HAUS6: variants seen among roughly 807,000 people sequenced by gnomAD.
The protein encoded by HAUS6 is HAUS augmin-like complex subunit 6.
A neutral mutation model predicts 106.8 loss-of-function variants in HAUS6; 80 were observed. That is an observed-to-expected ratio of 0.75 (90% CI 0.63 to 0.90). The LOEUF is 0.90. HAUS6 is among the 40% of genes least tolerant of loss of function. The pLI, the probability that HAUS6 is intolerant of heterozygous loss-of-function variation, is 0.00. For missense variants in HAUS6, 1,155 were observed against 1,118.1 expected, an observed-to-expected ratio of 1.03 and a Z score of -0.47; for synonymous variants, 356 against 379.1, an observed-to-expected ratio of 0.94 and a Z score of 0.71.
chr9:19,082,913 G>C lies in HAUS6; in HGVS notation c.830C>G (p.Pro277Arg), dbSNP rs1837192180. 6 of 1,524,972 alleles carry C rather than the reference G, an allele frequency of 3.9e-6. No individual in the cohort carries two copies. In the East Asian group the frequency reaches 1.2e-4, roughly 31 times the overall value. The allele number at this position is 1,524,972 out of a possible 1,614,324, so 94.5% of individuals were successfully genotyped here. Residue 277 changes from proline to arginine, a missense_variant, in exon 8 of 17, where the codon CCA (proline) becomes CGA (arginine). This residue lies in a region of HAUS6 where 761 missense variants were observed against 690.0 expected (regional missense o/e 1.10). Transcript: ENST00000380502. ...LDGTNVAINI[P>R]RLLLDKIEKQ... Reference sequence around the variant, plus strand: ...CTCAATTTTGTCAAGTAAGAGCCTTGGAATATTAATAGCAACATTAGTTCC... The same window carrying C: ...CTCAATTTTGTCAAGTAAGAGCCTTCGAATATTAATAGCAACATTAGTTCC...
chr9:19,082,644 G>A (rs1022986906), intron 8 of HAUS6, among the ~76,000 whole-genome samples: 1 of 152,084 alleles, frequency 6.6e-6, no homozygotes, highest in Admixed American at 6.6e-5. Flanking sequence ...TACTCGGGAG[G>A]CTGAGGCAGG....
chr9:19,060,071 A>C lies in HAUS6; in HGVS notation c.1765+17T>G. The stretch of plus-strand genomic sequence containing the variant: ...GTCGATGAAAGAAAAAAGTAACAGA[A>C]AGCATTATTAACTTACTCAAGTTTT... On this transcript the variant is annotated intron_variant, in intron 15 of 16. Transcript: ENST00000380502. 3.1e-6 allele frequency: 5 copies of C among 1,590,920 alleles called. No individual in the cohort carries two copies. Among genetic ancestry groups the C allele is most frequent in the Non-Finnish European group, 4.3e-6 (5 of 1,166,340 alleles).
chr9:19,101,709 C>T (rs992214761), intron 1 of HAUS6, among the ~76,000 whole-genome samples: 9 of 152,174 alleles, frequency 5.9e-5, no homozygotes, highest in Non-Finnish European at 1.3e-4. Context: ...ATCATGAGCT[C>T]AGGAGATCGA....
At chr9:19,077,578 C>T (rs1034418746) in intron 10 of HAUS6, among the ~76,000 whole-genome samples, 15 of 151,866 alleles carry the variant, frequency 9.9e-5, no homozygotes, top group African/African-American at 2.9e-4. Flanking sequence ...TACAATCCTT[C>T]GAATCTAAAA....
At position 19,057,799 on chromosome 9, in the gene HAUS6, G is replaced by C. The variant is rs779627094; in HGVS notation, c.2806+162C>G. The C allele has an allele frequency of 2.5e-4, 134 of 544,842 alleles. 1 individual carries two copies. Among genetic ancestry groups the C allele is most frequent in the Non-Finnish European group, 2.1e-4 (66 of 308,062 alleles). 33.8% of individuals were successfully genotyped at this position (544,842 alleles called of 1,614,324 possible). A position where few individuals can be genotyped will look rare whatever the true frequency, so the allele number is the denominator to read the frequency against. ...CTATATATACATAAACAGAGATTCTGAAAGGACCTGTCCAGTGAGGGATCA... is the reference window on the plus strand; with the variant it reads ...CTATATATACATAAACAGAGATTCTCAAAGGACCTGTCCAGTGAGGGATCA... On this transcript the variant is annotated intron_variant, in intron 16 of 16. Coordinates refer to ENST00000380502, the MANE Select transcript of HAUS6 (RefSeq NM_017645.5).
At chr9:19,081,731 A>T (rs1418527255) in intron 8 of HAUS6, among the ~76,000 whole-genome samples, 1 of 152,042 alleles carries the variant, frequency 6.6e-6, no homozygotes, top group Non-Finnish European at 1.5e-5. Context: ...GAGCCACCAT[A>T]CCCAGACAGT....
intron 10 of HAUS6, 97 bp downstream of exon 10, chr9:19,078,079 A>T: frequency 1.1e-6 from 1 of 921,612 alleles, no homozygotes; most frequent in Non-Finnish European, 1.7e-6. Flanking sequence ...TGATCGTGCC[A>T]CTCTACTCCA....
In HAUS6 at chr9:19,086,748, C is replaced by A; in HGVS notation, c.685G>T (p.Glu229Ter). ...EPYDDHSNME[E>*]KIQKVRSLWA... ...AGTTGTCTCACCTTTTGAATTTTTTCTTCCATATTACTGTGGTCATCATAG... is the reference window on the plus strand; with the variant it reads ...AGTTGTCTCACCTTTTGAATTTTTTATTCCATATTACTGTGGTCATCATAG... Residue 229 changes from glutamate (E) to a stop codon, truncating the protein, a stop_gained, in exon 7 of 17, where the codon GAA (glutamate) becomes TAA (stop). Coordinates refer to ENST00000380502, the MANE Select transcript of HAUS6 (RefSeq NM_017645.5). LOFTEE classifies it high-confidence loss of function. The A allele has an allele frequency of 8.0e-7, 1 of 1,250,690 alleles. No homozygotes were observed. Among genetic ancestry groups the A allele is most frequent in the Non-Finnish European group, 1.2e-6 (1 of 863,770 alleles). The allele number at this position is 1,250,690 out of a possible 1,614,324, so 77.5% of individuals were successfully genotyped here.
chr9:19,094,784 A>G (rs554386483), intron 2 of HAUS6, among the ~76,000 whole-genome samples: 24 of 152,234 alleles, frequency 1.6e-4, no homozygotes, highest in African/African-American at 4.8e-4. Flanking sequence ...CTGTCTCAAA[A>G]GAAAAAAAAA....
intron 1 of HAUS6, 149 bp downstream of exon 1, chr9:19,102,375 C>T (rs1423489397): frequency 1.2e-6 from 1 of 856,450 alleles, no homozygotes; most frequent in Non-Finnish European, 1.8e-6. Flanking sequence ...CTGGCAGCAA[C>T]TGGGAGTAGG....
intron 11 of HAUS6, among the ~76,000 whole-genome samples, chr9:19,071,076 C>T (rs1374995885): frequency 6.6e-6 from 1 of 152,164 alleles, no homozygotes. Flanking sequence ...TTCTGAAAGG[C>T]TTTCCCCATT....
At chr9:19,057,708 A>G (rs1056250499) in intron 16 of HAUS6, 1 of 420,100 alleles carries the variant, frequency 2.4e-6, no homozygotes, top group African/African-American at 2.0e-5. Context: ...CATTTGTATT[A>G]TAAAACCTGT....
chr9:19,089,597 G>A (rs112792836), intron 4 of HAUS6, 38 bp from the exon 5 acceptor site: 2 of 1,529,414 alleles, frequency 1.3e-6, no homozygotes, highest in Non-Finnish European at 1.8e-6. Flanking sequence ...AAAACAGGCT[G>A]GTCTGATAGT....
At position 19,056,356 on chromosome 9, in the gene HAUS6, T is replaced by G; in HGVS notation, c.2855A>C (p.Asp952Ala). 6.6e-7 allele frequency: 1 copy of G among 1,515,906 alleles called. No homozygotes were observed. The highest frequency in any genetic ancestry group is 9.2e-7 in the Non-Finnish European group (1 of 1,091,462). The allele number at this position is 1,515,906 out of a possible 1,614,324, so 93.9% of individuals were successfully genotyped here. A position where few individuals can be genotyped will look rare whatever the true frequency, so the allele number is the denominator to read the frequency against. Reference protein sequence around the residue: ...KSLDAKEPPSDLTR With the variant: ...KSLDAKEPPSALTR ...ATGGGTACGTCTTCATCTTGTCAAGTCAGACGGTGGTTCTTTTGCATCAAG... is the reference window on the plus strand; with the variant it reads ...ATGGGTACGTCTTCATCTTGTCAAGGCAGACGGTGGTTCTTTTGCATCAAG... The change falls in exon 17 of 17, where the codon GAC becomes GCC. Residue 952 changes from aspartate (D) to alanine (A), a missense_variant. Asp to Ala is a moderately radical substitution (Grantham distance 126). Around this residue, in one of 3 missense-constraint regions of HAUS6, gnomAD observed 380 missense variants for 394.8 expected, o/e 0.96. Coordinates refer to ENST00000380502, the MANE Select transcript of HAUS6 (RefSeq NM_017645.5).
rs1420055271 is a variant in HAUS6 at position 19,058,194 on chromosome 9, G to A, written c.2573C>T (p.Thr858Ile). ...REESYLSNSQ[T>I]PERHKPELSP... ...CAATTCTGGTTTGTGTCTTTCGGGT[G>A]TTTGGGAATTCGAGAGGTAAGATTC... Residue 858 changes from threonine (T) to isoleucine (I), a missense_variant, in exon 16 of 17, where the codon ACA (threonine) becomes ATA (isoleucine). By Grantham distance (89) the Thr-to-Ile change is moderately conservative. Around this residue, in one of 3 missense-constraint regions of HAUS6, gnomAD observed 380 missense variants for 394.8 expected, o/e 0.96. Coordinates refer to ENST00000380502, the MANE Select transcript of HAUS6 (RefSeq NM_017645.5). The A allele has an allele frequency of 1.1e-5, 17 of 1,613,748 alleles. No individual in the cohort carries two copies. The highest frequency in any genetic ancestry group is 1.2e-5 in the Non-Finnish European group (14 of 1,179,824).
chr9:19,089,527 T>C lies in HAUS6; in HGVS notation c.469A>G (p.Ile157Val), dbSNP rs768964348. The change falls in exon 5 of 17, where the codon ATA (isoleucine) becomes GTA (valine). Residue 157 changes from isoleucine (I) to valine (V), a missense_variant. This residue lies in a region of HAUS6 where 761 missense variants were observed against 690.0 expected (regional missense o/e 1.10). Transcript: ENST00000380502. ...SSHHFVETFN[I>V]KPQDLHKCIA... ...CATTTGTGCAAGTCCTGTGGTTTTA[T>C]GTTAAATGTCTCTACAAAATGATGA... 2 of 1,611,072 alleles carry C rather than the reference T, an allele frequency of 1.2e-6. No individual in the cohort carries two copies. Among genetic ancestry groups the C allele is most frequent in the South Asian group, 1.1e-5 (1 of 90,972 alleles).
intron 12 of HAUS6, among the ~76,000 whole-genome samples, chr9:19,065,935 ATT>A (rs562370544): frequency 5.4e-4 from 75 of 139,942 alleles, no homozygotes; most frequent in African/African-American, 1.2e-3. Flanking sequence ...ACAGCCAAAA[ATT>A]TTTTTTTTTT....
intron 9 of HAUS6, among the ~76,000 whole-genome samples, chr9:19,078,980 C>T (rs561992184): frequency 8.0e-5 from 12 of 149,812 alleles, no homozygotes; most frequent in African/African-American, 2.7e-4. Flanking sequence ...AATGGTGAAA[C>T]CCTGTCTCTA....
intron 12 of HAUS6, among the ~76,000 whole-genome samples, chr9:19,067,018 AG>A (rs1463314835): frequency 6.6e-6 from 1 of 151,762 alleles, no homozygotes; most frequent in Non-Finnish European, 1.5e-5. Flanking sequence ...AAAAAAAAAA[AG>A]CCAGCAATGA....
Sources: gnomAD v4.1 joint callset for allele counts (sites outside exome capture counted in the v4.1 genomes callset) on GRCh38, gnomAD v4.1.1 for gene constraint, gnomAD v4.1.1 regional missense constraint, MANE v1.5 for transcripts, NCBI Gene and HGNC (gene_info 2026-07-23, HGNC 2026-07-21) for gene names.